The following CCNY variants were observed in gnomAD, a reference collection of about 807,000 sequenced individuals.
CCNY encodes cyclin-Y.
CCNY carries 19 observed loss-of-function variants against 42.8 expected under a neutral mutation model. That is an observed-to-expected ratio of 0.44 (90% CI 0.31 to 0.65). The LOEUF is 0.65. Ranked by LOEUF, CCNY falls within the 30% of genes least tolerant of loss-of-function variation. CCNY has a pLI of 0.07. For synonymous variants in CCNY, 165 were observed against 162.7 expected (o/e 1.01, Z -0.11); for missense variants, 370 against 437.3 (o/e 0.85, Z 1.37).
At chr10:35,291,517 TG>T (rs1835413130) in intron 3 of CCNY, among the ~76,000 whole-genome samples, 1 of 150,794 alleles carries the variant, frequency 6.6e-6, no homozygotes, top group African/African-American at 2.4e-5. Context: ...ACAGCATTTG[TG>T]TACGACTTCC....
chr10:35,493,503 T>C (rs1033501069), intron 2 of CCNY, among the ~76,000 whole-genome samples: 1 of 152,250 alleles, frequency 6.6e-6, no homozygotes, highest in African/African-American at 2.4e-5. Flanking sequence ...TTACCTTACG[T>C]GGCTTATGTT....
At chr10:35,337,773 A>G (rs1836081554) in intron 1 of CCNY, among the ~76,000 whole-genome samples, 1 of 151,614 alleles carries the variant, frequency 6.6e-6, no homozygotes, top group South Asian at 2.1e-4. Context: ...CGGTTCCAGG[A>G]TTAGTCAAAT....
chr10:35,430,674 A>T (rs1465138451), intron 1 of CCNY, among the ~76,000 whole-genome samples: 1 of 152,172 alleles, frequency 6.6e-6, no homozygotes, highest in Non-Finnish European at 1.5e-5. Context: ...GGAATTGAGG[A>T]TAATGGTTAT....
At chr10:35,298,141 C>T (rs1449544929) in intron 3 of CCNY, among the ~76,000 whole-genome samples, 1 of 152,176 alleles carries the variant, frequency 6.6e-6, no homozygotes, top group Non-Finnish European at 1.5e-5. Context: ...GGTACAAAAG[C>T]AGACACATAG....
chr10:35,270,263 T>C (rs4934742), intron 3 of CCNY, among the ~76,000 whole-genome samples: 66,715 of 151,998 alleles, frequency 0.44, 15,880 homozygotes, highest in African/African-American at 0.63. Context: ...CATGAGGGTT[T>C]GCTCTCATGA....
intron 1 of CCNY, among the ~76,000 whole-genome samples, chr10:35,417,192 CCT>C (rs1838043118): frequency 1.3e-5 from 2 of 152,200 alleles, no homozygotes; most frequent in Non-Finnish European, 2.9e-5. Flanking sequence ...TTTGCTTTGA[CCT>C]CTCAGTACAG....
intron 1 of CCNY, among the ~76,000 whole-genome samples, chr10:35,432,047 G>A (rs1437998694): frequency 2.6e-5 from 4 of 152,180 alleles, no homozygotes; most frequent in African/African-American, 7.2e-5. Context: ...ATTATGGAGC[G>A]AATGTCAGTG....
At chr10:35,418,913 T>A (rs528053860) in intron 1 of CCNY, among the ~76,000 whole-genome samples, 2 of 152,130 alleles carry the variant, frequency 1.3e-5, no homozygotes, top group East Asian at 3.9e-4. Flanking sequence ...CTCCGCCTCC[T>A]GGGTTCAAGC....
chr10:35,345,263 C>T (rs1370204449), intron 1 of CCNY, among the ~76,000 whole-genome samples: 1 of 152,078 alleles, frequency 6.6e-6, no homozygotes, highest in Non-Finnish European at 1.5e-5. Flanking sequence ...TAATGATTGC[C>T]ATTCTAACTG....
intron 7 of CCNY, among the ~76,000 whole-genome samples, chr10:35,534,762 A>G (rs1840845710): frequency 6.6e-6 from 1 of 152,030 alleles, no homozygotes; most frequent in African/African-American, 2.4e-5. Context: ...GCCTCCACCC[A>G]GGCCCAGGAA....
At chr10:35,507,289 G>A (rs1361630661) in intron 3 of CCNY, among the ~76,000 whole-genome samples, 3 of 152,150 alleles carry the variant, frequency 2.0e-5, no homozygotes, top group African/African-American at 7.2e-5. Context: ...ATATATATGT[G>A]TGTGTACATA....
intron 3 of CCNY, among the ~76,000 whole-genome samples, chr10:35,262,997 C>T (rs1309474188): frequency 6.6e-6 from 1 of 151,856 alleles, no homozygotes; most frequent in Non-Finnish European, 1.5e-5. Context: ...GCAGGAGGAT[C>T]ACTTGAGCCC....
intron 7 of CCNY, among the ~76,000 whole-genome samples, chr10:35,534,302 G>A (rs573070515): frequency 5.3e-5 from 8 of 152,236 alleles, no homozygotes; most frequent in Middle Eastern, 3.4e-3. Flanking sequence ...GATTACAGGC[G>A]TGCGCCACCA....
intron 1 of CCNY, among the ~76,000 whole-genome samples, chr10:35,424,283 A>G (rs1326196582): frequency 2.6e-5 from 4 of 152,088 alleles, no homozygotes; most frequent in Non-Finnish European, 5.9e-5. Flanking sequence ...CTGGAGTGCA[A>G]TGGCGTGATC....
rs12249464 is a variant in CCNY, at chr10:35,386,390, A to G, written c.154+49183A>G. ...AGCTATGCATCCTGGTTCTTAGAAGATGGCAGGTGAGGAAGGGGCCTCTGA... is the reference window on the plus strand; with the variant it reads ...AGCTATGCATCCTGGTTCTTAGAAGGTGGCAGGTGAGGAAGGGGCCTCTGA... On this transcript the variant is annotated intron_variant, in intron 1 of 9. Transcript: ENST00000374704. 4.5e-3 allele frequency among the ~76,000 whole-genome samples: 687 copies of G among 152,298 alleles called. 6 individuals carry two copies. The highest frequency in any genetic ancestry group is 0.016 in the African/African-American group (655 of 41,564).
At chr10:35,519,743 G>A (rs1477781221) in intron 4 of CCNY, among the ~76,000 whole-genome samples, 1 of 140,706 alleles carries the variant, frequency 7.1e-6, no homozygotes, top group African/African-American at 2.7e-5. Context: ...TAATTCAGTT[G>A]CTTTAAAAAG....
At chr10:35,405,423 G>A (rs11010192) in intron 1 of CCNY, among the ~76,000 whole-genome samples, 64,394 of 151,902 alleles carry the variant, frequency 0.42, 14,589 homozygotes, top group African/African-American at 0.58. Context: ...AAAGGTGGCA[G>A]TGAGGTACAG....
chr10:35,491,625 T>C (rs530705284), intron 2 of CCNY, among the ~76,000 whole-genome samples: 1 of 152,280 alleles, frequency 6.6e-6, no homozygotes, highest in East Asian at 1.9e-4. Context: ...TTTTTATTTA[T>C]TTATTTATTT....
intron 8 of CCNY, among the ~76,000 whole-genome samples, chr10:35,558,067 G>C (rs185871184): frequency 1.8e-4 from 27 of 152,110 alleles, no homozygotes; most frequent in Admixed American, 1.7e-3. Flanking sequence ...ATTAGTAAAG[G>C]CTATTTAAAT....
Sources: gnomAD v4.1 joint callset for allele counts (sites outside exome capture counted in the v4.1 genomes callset) on GRCh38, gnomAD v4.1.1 for gene constraint, MANE v1.5 for transcripts, NCBI Gene and HGNC (gene_info 2026-07-23, HGNC 2026-07-21) for gene names.